Variants in UGT1A4 observed in about 807,000 individuals in gnomAD.
The protein encoded by UGT1A4 is UDP-glucuronosyltransferase 1A4.
Under a neutral mutation model 41.1 loss-of-function variants are expected in UGT1A4, and 32 were observed. That is an observed-to-expected ratio of 0.78 (90% CI 0.59 to 1.05). The LOEUF is 1.05. Among genes scored for constraint, UGT1A4 ranks in the 50% least tolerant of loss-of-function variants. The pLI is 0.00. For synonymous variants in UGT1A4, 283 were observed against 265.1 expected (o/e 1.07, Z -0.66); for missense variants, 748 against 677.4 (o/e 1.10, Z -1.16).
chr2:233,735,879 G>A (rs1213973999), intron 1 of UGT1A4, among the ~76,000 whole-genome samples: 1 of 152,086 alleles, frequency 6.6e-6, no homozygotes, highest in Non-Finnish European at 1.5e-5. Flanking sequence ...AGAGAGATCT[G>A]CTGTTAGTCT....
intron 1 of UGT1A4, among the ~76,000 whole-genome samples, chr2:233,759,862 C>CG (rs1187070955): frequency 6.6e-6 from 1 of 152,064 alleles, no homozygotes; most frequent in African/African-American, 2.4e-5. Context: ...ATGGCGAAAG[C>CG]GGGGGTACAG....
At chr2:233,747,950 G>A in intron 1 of UGT1A4, 1 of 1,613,378 alleles carries the variant, frequency 6.2e-7, no homozygotes, top group Non-Finnish European at 8.5e-7. Flanking sequence ...TGTCAGTGGT[G>A]GATCTTCTCA....
chr2:233,755,332 C>G, intron 1 of UGT1A4: 1 of 459,718 alleles, frequency 2.2e-6, no homozygotes, highest in Non-Finnish European at 3.7e-6. Flanking sequence ...CCAGCACCCG[C>G]GCACAGGTCA....
Position 233,760,797 on chromosome 2 carries a change from C to A in UGT1A4, c.868-6237C>A, listed in dbSNP as rs780028785. 1.9e-6 allele frequency: 3 copies of A among 1,613,492 alleles called. No individual in the cohort carries two copies. The highest frequency in any genetic ancestry group is 1.1e-5 in the South Asian group (1 of 91,076). The stretch of plus-strand genomic sequence containing the variant: ...AGTACCTGTCTCTGCCCACTGTATT[C>A]TTCTTGCATGCACTGCCATGCAGCC... On this transcript the variant is annotated intron_variant, in intron 1 of 4. Coordinates refer to ENST00000373409, the MANE Select transcript of UGT1A4 (RefSeq NM_007120.3).
At chr2:233,750,488 T>A (rs1694469780) in intron 1 of UGT1A4, 1 of 151,920 alleles carries the variant, frequency 6.6e-6, no homozygotes, top group African/African-American at 2.4e-5. Context: ...TTTGCATAAG[T>A]AAGGAGGAGC....
chr2:233,719,156 A>C lies in UGT1A4; in HGVS notation c.336A>C (p.Arg112Ser), dbSNP rs751674220. ...ETEHLLKRYS[R>S]SMAIMNNVSL... ...AACATCTTCTGAAGAGATATTCTAG[A>C]AGTATGGCAATTATGAACAATGTAT... The change falls in exon 1 of 5, where the codon AGA becomes AGC. Residue 112 changes from arginine (R) to serine (S), a missense_variant. Transcript: ENST00000373409. The C allele has an allele frequency of 1.2e-6, 2 of 1,614,236 alleles. No homozygotes were observed. The highest frequency in any genetic ancestry group is 1.7e-6 in the Non-Finnish European group (2 of 1,180,032).
intron 1 of UGT1A4, chr2:233,743,955 C>T (rs752795670): frequency 9.0e-6 from 12 of 1,339,906 alleles, no homozygotes; most frequent in African/African-American, 3.0e-5. Context: ...ACTGGCACAG[C>T]GAGCGGCAAG....
At chr2:233,732,952 T>C (rs1235178587) in intron 1 of UGT1A4, among the ~76,000 whole-genome samples, 1 of 152,176 alleles carries the variant, frequency 6.6e-6, no homozygotes, top group East Asian at 1.9e-4. Flanking sequence ...GCATGGAATG[T>C]TCTTCCATTT....
chr2:233,768,579 CTTCT>C (rs1699650824), intron 4 of UGT1A4, 140 bp downstream of exon 4: 12 of 934,830 alleles, frequency 1.3e-5, no homozygotes, highest in African/African-American at 2.0e-5. Flanking sequence ...ATTTTTATTT[CTTCT>C]TTTTTTTTTT....
At chr2:233,770,232 T>C (rs980234122) in intron 4 of UGT1A4, 2 of 152,214 alleles carry the variant, frequency 1.3e-5, no homozygotes, top group Non-Finnish European at 2.9e-5. Flanking sequence ...ATTGTGAATC[T>C]CCATGATTCC....
chr2:233,772,087 C>T (rs958943778), intron 4 of UGT1A4, among the ~76,000 whole-genome samples, 175 bp from the exon 5 acceptor site: 4 of 152,100 alleles, frequency 2.6e-5, no homozygotes, highest in African/African-American at 4.8e-5. Flanking sequence ...CACTCCAGCC[C>T]GGGCAACAGG....
rs138626513 is a variant in UGT1A4 at position 233,772,998 on chromosome 2, C to T, written c.*439C>T. 4.0e-5 allele frequency: 10 copies of T among 249,518 alleles called. No individual in the cohort carries two copies. The East Asian group carries it at 6.9e-4, about 17-fold the overall frequency. 15.5% of individuals were successfully genotyped at this position (249,518 alleles called of 1,614,324 possible). On this transcript the variant is annotated 3_prime_UTR_variant, in exon 5 of 5. Coordinates refer to ENST00000373409, the MANE Select transcript of UGT1A4 (RefSeq NM_007120.3). ...AATAATGGTCAGTCCTCATCTCTGT[C>T]GTGCTTCATAGGTGCCACCTTGTGT...
intron 1 of UGT1A4, chr2:233,742,723 T>C (rs17863795): frequency 0.037 from 5,611 of 152,966 alleles, 153 homozygotes; most frequent in Non-Finnish European, 0.057. Context: ...CTCAGTGATA[T>C]GGGATTCAAA....
chr2:233,765,887 T>G (rs1279202147), intron 1 of UGT1A4, among the ~76,000 whole-genome samples: 1 of 152,030 alleles, frequency 6.6e-6, no homozygotes, highest in African/African-American at 2.4e-5. Flanking sequence ...ACTTTCTCAG[T>G]GCGCCACTGC....
In UGT1A4 at chr2:233,768,227, G is replaced by A. The variant is rs751408172; in HGVS notation, c.1095G>A (p.Pro365=). The part of the protein sequence containing the change: ...WLPQNDLLGH[P]MTRAFITHAG... The stretch of plus-strand genomic sequence containing the variant: ...CCCTATTTTGCATCTCAGGTCACCC[G>A]ATGACCCGTGCCTTTATCACCCATG... Residue 365 remains proline, a synonymous_variant, in exon 4 of 5, where the codon CCG becomes CCA. Transcript: ENST00000373409. 1.3e-5 allele frequency: 21 copies of A among 1,614,014 alleles called. No individual in the cohort carries two copies. The highest frequency in any genetic ancestry group is 8.3e-5 in the Admixed American group (5 of 59,996).
chr2:233,728,344 T>C (rs965665608), intron 1 of UGT1A4, among the ~76,000 whole-genome samples: 5 of 152,226 alleles, frequency 3.3e-5, no homozygotes, highest in African/African-American at 4.8e-5. Context: ...AGTCCCTTGG[T>C]GAGCAGGAGC....
intron 1 of UGT1A4, among the ~76,000 whole-genome samples, chr2:233,724,153 T>C (rs1193924523): frequency 7.3e-3 from 371 of 51,008 alleles, no homozygotes; most frequent in Admixed American, 0.011. Flanking sequence ...GCTGGCCGGG[T>C]GGGGGGGCTG....
chr2:233,732,720 A>G lies in UGT1A4; in HGVS notation c.867+13033A>G, dbSNP rs554458452. On this transcript the variant is annotated intron_variant, in intron 1 of 4. Transcript: ENST00000373409. ...TTTTGTTACTGTAGCCTTGTAGTAC[A>G]GTTTGAAGTCAGGTAGCATGATGCC... Among the ~76,000 whole-genome samples, 386 of 148,730 alleles carry G rather than the reference A, an allele frequency of 2.6e-3. 1 individual carries two copies. The highest frequency in any genetic ancestry group is 3.9e-3 in the Non-Finnish European group (263 of 67,550).
At position 233,718,771 on chromosome 2, in the gene UGT1A4, A is replaced by G; in HGVS notation, c.-50A>G. ...TAATTAAGGCGAAGGAAACAAATGT[A>G]GCAGGCACAGCGTGGGGTGGACAGT... is the stretch of plus-strand genomic sequence containing the variant. On this transcript the variant is annotated 5_prime_UTR_variant, in exon 1 of 5. The change abolishes the stop of an existing upstream ORF in the 5' untranslated region. Coordinates refer to ENST00000373409, the MANE Select transcript of UGT1A4 (RefSeq NM_007120.3). The G allele has an allele frequency of 6.2e-7, 1 of 1,612,862 alleles. No individual in the cohort carries two copies. The highest frequency in any genetic ancestry group is 1.3e-5 in the African/African-American group (1 of 75,032).
Sources: gnomAD v4.1 joint callset for allele counts (sites outside exome capture counted in the v4.1 genomes callset) on GRCh38, gnomAD v4.1.1 for gene constraint, MANE v1.5 for transcripts, NCBI Gene and HGNC (gene_info 2026-07-23, HGNC 2026-07-21) for gene names.